ROBO1: variants seen among roughly 807,000 people sequenced by gnomAD.
ROBO1 encodes the protein roundabout guidance receptor 1.
In ROBO1, 149 loss-of-function variants were observed where a neutral mutation model predicts 195.9. The observed-to-expected ratio is 0.76, with a 90% CI of 0.67 to 0.87. The LOEUF (loss-of-function observed/expected upper bound fraction) is 0.87. Ranked by LOEUF, ROBO1 falls within the 40% of genes least tolerant of loss-of-function variation. The pLI, the probability that ROBO1 is intolerant of heterozygous loss-of-function variation, is 0.00. For synonymous variants in ROBO1, 816 were observed against 733.2 expected (o/e 1.11, Z -1.82); for missense variants, 1,933 against 2,068.3 (o/e 0.93, Z 1.27).
chr3:79,406,201 TA>T (rs796310337), intron 2 of ROBO1, among the ~76,000 whole-genome samples: 14 of 137,552 alleles, frequency 1.0e-4, no homozygotes, highest in African/African-American at 3.3e-4. Flanking sequence ...GATGTGATGC[TA>T]AAAAAAATAA....
chr3:78,870,729 C>A (rs1418181266), intron 4 of ROBO1, among the ~76,000 whole-genome samples: 1 of 152,098 alleles, frequency 6.6e-6, no homozygotes, highest in African/African-American at 2.4e-5. Flanking sequence ...CAGGACTTAT[C>A]CTCTGGGAGT....
At chr3:79,681,745 T>C (rs1946955901) in intron 1 of ROBO1, among the ~76,000 whole-genome samples, 1 of 151,952 alleles carries the variant, frequency 6.6e-6, no homozygotes, top group African/African-American at 2.4e-5. Context: ...GGCTTCCCCT[T>C]GGCTCTTTCA....
intron 2 of ROBO1, among the ~76,000 whole-genome samples, chr3:79,215,819 C>T (rs1187090737): frequency 6.6e-6 from 1 of 152,130 alleles, no homozygotes; most frequent in Non-Finnish European, 1.5e-5. Context: ...TCTTAAATGC[C>T]ATAAATGGGA....
intron 1 of ROBO1, among the ~76,000 whole-genome samples, chr3:79,650,092 G>T (rs938737525): frequency 6.6e-6 from 1 of 151,766 alleles, no homozygotes; most frequent in African/African-American, 2.4e-5. Flanking sequence ...TAATTAAGAT[G>T]AAAATATAAT....
chr3:79,386,105 T>G (rs931899886), intron 2 of ROBO1, among the ~76,000 whole-genome samples: 1 of 152,066 alleles, frequency 6.6e-6, no homozygotes, highest in African/African-American at 2.4e-5. Context: ...AATATTATAG[T>G]GATAGATTTT....
At chr3:79,338,975 C>T (rs1474173996) in intron 2 of ROBO1, among the ~76,000 whole-genome samples, 2 of 152,148 alleles carry the variant, frequency 1.3e-5, no homozygotes, top group African/African-American at 2.4e-5. Flanking sequence ...AATGGCAGCT[C>T]CACTCTTTAT....
intron 2 of ROBO1, among the ~76,000 whole-genome samples, chr3:79,447,765 C>T (rs1425780389): frequency 6.6e-6 from 1 of 150,672 alleles, no homozygotes; most frequent in Non-Finnish European, 1.5e-5. Flanking sequence ...TTTTTCTATT[C>T]CTAACCAGTA....
At chr3:78,665,137 C>T (rs543059216) in intron 14 of ROBO1, among the ~76,000 whole-genome samples, 1 of 152,206 alleles carries the variant, frequency 6.6e-6, no homozygotes, top group African/African-American at 2.4e-5. Flanking sequence ...ATCGACTATC[C>T]CTACTGTCCT....
intron 3 of ROBO1, among the ~76,000 whole-genome samples, chr3:79,038,279 C>A (rs1000407238): frequency 1.3e-5 from 2 of 152,140 alleles, no homozygotes; most frequent in Non-Finnish European, 2.9e-5. Context: ...ATTGAAGGAG[C>A]CTTTGAACTT....
At position 78,954,153 on chromosome 3, in the gene ROBO1, G is replaced by GA. The variant is rs201748524; in HGVS notation, c.173-15227dup. Among the ~76,000 whole-genome samples the GA allele has an allele frequency of 6.2e-3, 907 of 146,848 alleles. 1 individual carries two copies. Among genetic ancestry groups the GA allele is most frequent in the African/African-American group, 0.018 (728 of 40,394 alleles). On this transcript the variant is annotated intron_variant, in intron 3 of 30. Coordinates refer to ENST00000464233, the MANE Select transcript of ROBO1 (RefSeq NM_002941.4). ...AGAGCATCTTTCAAAAGACAGAAAAGAAAAAAAAAACTAGAGCATTTAGCA... is the reference window on the plus strand; with the variant it reads ...AGAGCATCTTTCAAAAGACAGAAAAGAAAAAAAAAAACTAGAGCATTTAGCA...
At chr3:78,665,000 C>T (rs1201504508) in intron 14 of ROBO1, among the ~76,000 whole-genome samples, 2 of 152,170 alleles carry the variant, frequency 1.3e-5, no homozygotes, top group African/African-American at 4.8e-5. Flanking sequence ...TTCCATACGG[C>T]AGTCTCTTAA....
At chr3:79,366,202 A>C (rs1441870733) in intron 2 of ROBO1, among the ~76,000 whole-genome samples, 2 of 152,152 alleles carry the variant, frequency 1.3e-5, no homozygotes, top group Non-Finnish European at 2.9e-5. Context: ...TCACATGATT[A>C]GGGTGATCGA....
chr3:79,038,988 C>G (rs762146264), intron 3 of ROBO1, among the ~76,000 whole-genome samples: 2 of 152,258 alleles, frequency 1.3e-5, no homozygotes, highest in South Asian at 2.1e-4. Flanking sequence ...AGAAGCATTC[C>G]TCTGTTAGCA....
chr3:78,873,599 T>C (rs978210809), intron 4 of ROBO1, among the ~76,000 whole-genome samples: 2 of 152,146 alleles, frequency 1.3e-5, no homozygotes, highest in African/African-American at 4.8e-5. Flanking sequence ...AAATTTCTAA[T>C]ATTTGAATCA....
intron 2 of ROBO1, among the ~76,000 whole-genome samples, chr3:79,329,382 T>C (rs1371545612): frequency 6.6e-6 from 1 of 152,198 alleles, no homozygotes; most frequent in African/African-American, 2.4e-5. Flanking sequence ...CGTGTGTGAC[T>C]CATAACAAGC....
intron 2 of ROBO1, among the ~76,000 whole-genome samples, chr3:79,556,980 T>C (rs1942724979): frequency 6.6e-6 from 1 of 150,684 alleles, no homozygotes; most frequent in African/African-American, 2.4e-5. Flanking sequence ...CTCCCACCAA[T>C]GACATTTTCT....
intron 21 of ROBO1, among the ~76,000 whole-genome samples, chr3:78,644,198 T>G (rs543907086): frequency 6.6e-6 from 1 of 152,212 alleles, no homozygotes; most frequent in African/African-American, 2.4e-5. Context: ...TCGTAAAGCA[T>G]CCTTATTGTC....
At chr3:78,910,552 T>C (rs1189119801) in intron 4 of ROBO1, among the ~76,000 whole-genome samples, 1 of 151,868 alleles carries the variant, frequency 6.6e-6, no homozygotes, top group East Asian at 1.9e-4. Flanking sequence ...CAGAATCAAA[T>C]ATTAGGGCAA....
intron 2 of ROBO1, among the ~76,000 whole-genome samples, chr3:79,535,755 C>T (rs1043573233): frequency 2.8e-5 from 4 of 141,284 alleles, no homozygotes; most frequent in Non-Finnish European, 4.6e-5. Flanking sequence ...GATGTGACGA[C>T]GAGCTGTGGC....
Sources: allele counts gnomAD v4.1 joint callset (sites outside exome capture counted in the v4.1 genomes callset), GRCh38; gene constraint gnomAD v4.1.1; transcripts MANE v1.5; gene names NCBI Gene and HGNC (gene_info 2026-07-23, HGNC 2026-07-21).